DMXL1: variants seen among roughly 807,000 people sequenced by gnomAD.
DMXL1 encodes the protein dmX-like protein 1.
DMXL1 carries 99 observed loss-of-function variants against 319.2 expected under a neutral mutation model. The observed-to-expected ratio is 0.31, with a 90% confidence interval of 0.26 to 0.37. The LOEUF is 0.37. DMXL1 is among the 10% of genes least tolerant of loss of function. The pLI is 1.00. For missense variants in DMXL1, 3,745 were observed against 3,595.6 expected (o/e 1.04, Z -1.06); for synonymous variants, 1,385 against 1,235.2 (o/e 1.12, Z -2.54).
At position 119,149,613 on chromosome 5, in the gene DMXL1, A is replaced by C; in HGVS notation, c.3786A>C (p.Ile1262=). ...TDSYSGSTPS[I]TSLIKQSNSS... The stretch of plus-strand genomic sequence containing the variant: ...CGTACAGTGGGAGCACTCCATCTAT[A>C]ACAAGTTTAATAAAACAGAGTAACT... The change falls in exon 18 of 44, where the codon ATA becomes ATC. Residue 1262 remains isoleucine (I), a synonymous_variant. Coordinates refer to ENST00000539542, the MANE Select transcript of DMXL1 (RefSeq NM_001290321.3). 4.3e-6 allele frequency: 7 copies of C among 1,613,954 alleles called. No individual in the cohort carries two copies. Among genetic ancestry groups the C allele is most frequent in the Non-Finnish European group, 5.9e-6 (7 of 1,179,908 alleles).
chr5:119,100,309 G>T lies in DMXL1; in HGVS notation c.214-1626G>T, dbSNP rs138493074. ...ACATTAGCTGGGCGTGGTGGCGGGCGTCTGTAATCCCAGCTACTCAGGAGG... is the reference window on the plus strand; with the variant it reads ...ACATTAGCTGGGCGTGGTGGCGGGCTTCTGTAATCCCAGCTACTCAGGAGG... On this transcript the variant is annotated intron_variant, in intron 2 of 43. Transcript: ENST00000539542. Among the ~76,000 whole-genome samples the T allele has an allele frequency of 4.6e-5, 7 of 151,536 alleles. No homozygotes were observed. The South Asian group carries it at 1.5e-3, about 32-fold the overall frequency.
intron 26 of DMXL1, among the ~76,000 whole-genome samples, chr5:119,177,100 A>G (rs1321886714): frequency 6.6e-6 from 1 of 152,086 alleles, no homozygotes; most frequent in African/African-American, 2.4e-5. Flanking sequence ...TAATCTTGCT[A>G]CTTGTGGTAC....
In DMXL1 at chr5:119,189,839, A is replaced by G. The variant is rs536139897; in HGVS notation, c.7267A>G (p.Lys2423Glu). 12 of 1,614,076 alleles carry G rather than the reference A, an allele frequency of 7.4e-6. No homozygotes were observed. The South Asian group carries it at 1.2e-4, about 16-fold the overall frequency. The change falls in exon 29 of 44, where the codon AAG becomes GAG. Residue 2423 changes from lysine (K) to glutamate (E), a missense_variant. By Grantham distance (56) the Lys-to-Glu change is moderately conservative. This residue lies in a region of DMXL1 where 1,382 missense variants were observed against 1,269.5 expected (regional missense o/e 1.09). Transcript: ENST00000539542. ...VSQESLAVKE[K>E]FIPPELSIWD... is the part of the protein sequence containing the mutation. ...CCAGGAGTCACTGGCGGTTAAAGAAAAGTTCATCCCACCTGAGCTCAGTAT... is the reference window on the plus strand; with the variant it reads ...CCAGGAGTCACTGGCGGTTAAAGAAGAGTTCATCCCACCTGAGCTCAGTAT...
intron 33 of DMXL1, among the ~76,000 whole-genome samples, chr5:119,204,153 T>G (rs1414044841): frequency 6.6e-6 from 1 of 152,090 alleles, no homozygotes; most frequent in Non-Finnish European, 1.5e-5. Flanking sequence ...ATTTATCTTT[T>G]TTGAGATGGA....
intron 34 of DMXL1, among the ~76,000 whole-genome samples, chr5:119,211,119 C>G (rs1782735728): frequency 2.0e-5 from 3 of 151,104 alleles, no homozygotes; most frequent in South Asian, 4.2e-4. Context: ...CCAGCATAAG[C>G]TATACTTGGT....
rs756974807 is a variant in DMXL1, at chr5:119,121,136, A to G, written c.1099A>G (p.Thr367Ala). ...FHIAASINPA[T>A]DIPLLPSITS... Reference sequence around the variant, plus strand: ...TATTGCAGCCAGCATCAACCCAGCCACAGGTAATGAAACATTGTTCAAAAC... The same window carrying G: ...TATTGCAGCCAGCATCAACCCAGCCGCAGGTAATGAAACATTGTTCAAAAC... The change falls in exon 9 of 44, where the codon ACA (threonine) becomes GCA (alanine). Residue 367 changes from threonine (T) to alanine (A), a missense_variant. Thr to Ala is a moderately conservative substitution (Grantham distance 58). Around this residue, in one of 4 missense-constraint regions of DMXL1, gnomAD observed 2,096 missense variants for 1,985.4 expected, o/e 1.06. Coordinates refer to ENST00000539542, the MANE Select transcript of DMXL1 (RefSeq NM_001290321.3). The G allele has an allele frequency of 1.9e-6, 3 of 1,598,512 alleles. No homozygotes were observed. The highest frequency in any genetic ancestry group is 2.7e-5 in the African/African-American group (2 of 74,452).
intron 18 of DMXL1, 83 bp downstream of exon 18, chr5:119,150,504 A>G: frequency 1.4e-6 from 2 of 1,426,860 alleles, no homozygotes; most frequent in South Asian, 1.5e-5. Flanking sequence ...AAATGATGCC[A>G]TTGGCTAGGC....
Position 119,248,674 on chromosome 5 carries a change from T to C in DMXL1, c.*1455T>C, listed in dbSNP as rs1319530153. 6.6e-6 allele frequency: 1 copy of C among 152,508 alleles called. No individual in the cohort carries two copies. The highest frequency in any genetic ancestry group is 2.4e-5 in the African/African-American group (1 of 41,438). 9.4% of individuals were successfully genotyped at this position (152,508 alleles called of 1,614,324 possible). Reference sequence around the variant, plus strand: ...TGGTAAAATGAATTTTGTAATATCCTCAGGATACTTTTATCTTAAAAGTAT... The same window carrying C: ...TGGTAAAATGAATTTTGTAATATCCCCAGGATACTTTTATCTTAAAAGTAT... On this transcript the variant is annotated 3_prime_UTR_variant, in exon 44 of 44. Transcript: ENST00000539542.
chr5:119,202,883 T>TTATA (rs201634842), intron 32 of DMXL1, among the ~76,000 whole-genome samples: 2 of 71,536 alleles, frequency 2.8e-5, no homozygotes, highest in East Asian at 5.9e-4. Context: ...ATATATATAT[T>TTATA]TTTATATATA....
chr5:119,126,595 G>A (rs1039420596), intron 9 of DMXL1, among the ~76,000 whole-genome samples: 3 of 152,124 alleles, frequency 2.0e-5, no homozygotes, highest in Admixed American at 6.5e-5. Context: ...TTCAAGCATC[G>A]TAATCTCTGT....
rs371696678 is a variant in DMXL1 at position 119,101,988 on chromosome 5, A to G, written c.267A>G (p.Pro89=). The part of the protein sequence containing the change: ...VISIFEPVNL[P]KQKKNLELYS... Reference sequence around the variant, plus strand: ...CCATTTTTGAACCAGTTAACCTACCAAAACAAAAGAAAAATTTGGTCAGTA... The same window carrying G: ...CCATTTTTGAACCAGTTAACCTACCGAAACAAAAGAAAAATTTGGTCAGTA... The change falls in exon 3 of 44, where the codon CCA becomes CCG. Residue 89 remains proline, a synonymous_variant. Transcript: ENST00000539542. 1.6e-5 allele frequency: 25 copies of G among 1,601,312 alleles called. No individual in the cohort carries two copies. The African/African-American group carries it at 2.8e-4, about 18-fold the overall frequency.
intron 9 of DMXL1, among the ~76,000 whole-genome samples, chr5:119,123,128 C>G (rs553116342): frequency 2.0e-4 from 31 of 151,982 alleles, no homozygotes; most frequent in Non-Finnish European, 3.5e-4. Flanking sequence ...CAGCGAAATC[C>G]CGTCTCCACC....
chr5:119,164,674 AAAGT>A lies in DMXL1; in HGVS notation c.4872+3_4872+6del. 2 of 1,590,688 alleles carry A rather than the reference AAAGT, an allele frequency of 1.3e-6. No homozygotes were observed. The highest frequency in any genetic ancestry group is 1.7e-6 in the Non-Finnish European group (2 of 1,164,984). On this transcript the variant is annotated splice_donor_variant and coding_sequence_variant, in exon 20 of 44. Coordinates refer to ENST00000539542, the MANE Select transcript of DMXL1 (RefSeq NM_001290321.3). LOFTEE classifies it high-confidence loss of function. ...CCGCATCTTACGCAAATGCATAGAAAAAGTAAGTGTTTTATTTTGGTGTATAAGT... is the reference window on the plus strand; with the variant it reads ...CCGCATCTTACGCAAATGCATAGAAAAAGTGTTTTATTTTGGTGTATAAGT...
At chr5:119,218,680 C>T (rs1157794184) in intron 35 of DMXL1, among the ~76,000 whole-genome samples, 3 of 152,064 alleles carry the variant, frequency 2.0e-5, no homozygotes, top group South Asian at 2.1e-4. Context: ...AGGATGGTCT[C>T]GATCTCTTTA....
intron 1 of DMXL1, among the ~76,000 whole-genome samples, chr5:119,075,067 A>C (rs1011730575): frequency 7.2e-5 from 11 of 152,176 alleles, no homozygotes; most frequent in Non-Finnish European, 1.5e-4. Flanking sequence ...AATTAAGGTT[A>C]TATTTATTGT....
intron 3 of DMXL1, among the ~76,000 whole-genome samples, chr5:119,103,292 A>G (rs1757657197): frequency 6.6e-6 from 1 of 152,246 alleles, no homozygotes; most frequent in Non-Finnish European, 1.5e-5. Flanking sequence ...TGTATTAATT[A>G]TAAAGGACTA....
chr5:119,216,113 A>G lies in DMXL1; in HGVS notation c.7927-788A>G, dbSNP rs568361191. 9.9e-5 allele frequency among the ~76,000 whole-genome samples: 15 copies of G among 151,046 alleles called. No homozygotes were observed. The East Asian group carries it at 2.9e-3, about 29-fold the overall frequency. On this transcript the variant is annotated intron_variant, in intron 34 of 43. Coordinates refer to ENST00000539542, the MANE Select transcript of DMXL1 (RefSeq NM_001290321.3). ...CCATCTCAAAAAAAAAAAAAAAAAA[A>G]AAAAAAAAAGCAGGATAATATGAAA...
At chr5:119,157,622 A>G (rs1441196670) in intron 19 of DMXL1, among the ~76,000 whole-genome samples, 1 of 152,152 alleles carries the variant, frequency 6.6e-6, no homozygotes, top group East Asian at 1.9e-4. Flanking sequence ...ACAAAAATCA[A>G]TTGAGTATAA....
chr5:119,220,412 G>A, intron 35 of DMXL1, 60 bp from the exon 36 acceptor site: 1 of 1,525,466 alleles, frequency 6.6e-7, no homozygotes. Flanking sequence ...TTCAAAAGCA[G>A]CTCATATACT....
Sources: gnomAD v4.1 joint callset for allele counts (sites outside exome capture counted in the v4.1 genomes callset) on GRCh38, gnomAD v4.1.1 for gene constraint, gnomAD v4.1.1 regional missense constraint, MANE v1.5 for transcripts, NCBI Gene and HGNC (gene_info 2026-07-23, HGNC 2026-07-21) for gene names.